Variants in RYR2 observed in about 807,000 individuals in gnomAD.
RYR2 encodes the protein cardiac muscle ryanodine receptor-calcium release channel.
RYR2 carries 227 observed loss-of-function variants against 601.1 expected under a neutral mutation model. The ratio of observed to expected loss-of-function variants is 0.38; its 90% CI spans 0.34 to 0.42. The LOEUF (loss-of-function observed/expected upper bound fraction) is 0.42, where lower values mean the gene tolerates loss of function less well. RYR2 is among the 10% of genes least tolerant of loss of function. RYR2 has a pLI of 1.00. For missense variants in RYR2, 4,646 were observed against 6,156.5 expected (o/e 0.75, Z 8.21); for synonymous variants, 2,223 against 2,175.1 (o/e 1.02, Z -0.61).
intron 1 of RYR2, among the ~76,000 whole-genome samples, chr1:237,080,887 C>T (rs1415753624): frequency 1.3e-5 from 1 of 74,172 alleles, no homozygotes; most frequent in Admixed American, 1.6e-4. Context: ...ACCCAAATGT[C>T]CAACAATGAT....
At chr1:237,350,602 A>AAATATAT (rs1558665984) in intron 3 of RYR2, among the ~76,000 whole-genome samples, 5 of 37,012 alleles carry the variant, frequency 1.4e-4, no homozygotes, top group Admixed American at 3.9e-4. Flanking sequence ...AAAAAAAAAA[A>AAATATAT]ATATATATAT....
At chr1:237,294,189 C>T (rs1692517300) in intron 2 of RYR2, among the ~76,000 whole-genome samples, 1 of 152,170 alleles carries the variant, frequency 6.6e-6, no homozygotes, top group South Asian at 2.1e-4. Flanking sequence ...ATTAGGAGCT[C>T]TCTCAGGAAC....
intron 79 of RYR2, among the ~76,000 whole-genome samples, chr1:237,738,522 T>C (rs992700416): frequency 1.3e-5 from 2 of 152,042 alleles, no homozygotes; most frequent in Non-Finnish European, 2.9e-5. Context: ...CATGTAGTTT[T>C]CATTTATTTA....
intron 71 of RYR2, among the ~76,000 whole-genome samples, chr1:237,713,242 A>G (rs1330242035): frequency 6.6e-6 from 1 of 152,168 alleles, no homozygotes; most frequent in African/African-American, 2.4e-5. Flanking sequence ...CATAGAACCT[A>G]GAGTGAGACA....
intron 3 of RYR2, among the ~76,000 whole-genome samples, chr1:237,334,597 A>G (rs951158066): frequency 6.6e-6 from 1 of 152,120 alleles, no homozygotes; most frequent in African/African-American, 2.4e-5. Flanking sequence ...AAGCTTTCAG[A>G]TCTTGAGGAT....
chr1:237,301,506 TCAAA>T (rs961378973), intron 2 of RYR2, among the ~76,000 whole-genome samples: 5 of 152,188 alleles, frequency 3.3e-5, no homozygotes, highest in Non-Finnish European at 7.3e-5. Context: ...TGATAAGAGT[TCAAA>T]CAGTCACGTA....
intron 1 of RYR2, among the ~76,000 whole-genome samples, chr1:237,171,109 C>G (rs1677318068): frequency 6.6e-6 from 1 of 151,890 alleles, no homozygotes; most frequent in South Asian, 2.1e-4. Context: ...TGGTGGGCAC[C>G]TGTAGTGCCA....
Position 237,364,377 on chromosome 1 carries a change from G to T in RYR2, c.309+5G>T, listed in dbSNP as rs794728695. ...CTACAGAAATTCATGATGAAGGTAA[G>T]ACATCTTAATATATATGCTATGTAT... On this transcript the variant is annotated splice_donor_5th_base_variant and intron_variant, in intron 5 of 104. Transcript: ENST00000366574. The T allele has an allele frequency of 6.5e-7, 1 of 1,535,038 alleles. No homozygotes were observed. The highest frequency in any genetic ancestry group is 8.9e-7 in the Non-Finnish European group (1 of 1,121,750).
In RYR2 at chr1:237,641,110, A is replaced by G. The variant is rs531225124; in HGVS notation, c.7221+108A>G. On this transcript the variant is annotated intron_variant, in intron 47 of 104. Coordinates refer to ENST00000366574, the MANE Select transcript of RYR2 (RefSeq NM_001035.3). The stretch of plus-strand genomic sequence containing the variant: ...CCAAAACCAATAATCTTCATGCTCC[A>G]TTAAAAATAATAGCTGCAGTCTAAT... The G allele has an allele frequency of 2.2e-4, 137 of 633,648 alleles. No individual in the cohort carries two copies. In the African/African-American group the frequency reaches 2.3e-3, roughly 10 times the overall value. 39.3% of individuals were successfully genotyped at this position (633,648 alleles called of 1,614,324 possible).
chr1:237,767,551 T>A (rs1693937466), intron 84 of RYR2, among the ~76,000 whole-genome samples: 1 of 152,196 alleles, frequency 6.6e-6, no homozygotes, highest in African/African-American at 2.4e-5. Context: ...CAAAATGGCA[T>A]TACATTTAGC....
chr1:237,659,366 C>T (rs1165188118), intron 54 of RYR2, among the ~76,000 whole-genome samples: 1 of 152,088 alleles, frequency 6.6e-6, no homozygotes, highest in Non-Finnish European at 1.5e-5. Context: ...GTTTTCCAGT[C>T]TAATTACTCA....
chr1:237,395,564 T>TTTTTTTTTTTTG lies in RYR2; in HGVS notation c.773+7381_773+7382insTTTTTTTTTTTG, dbSNP rs1400077755. ...TTTTTTTTTTTTTTTTTTTTTTTTT[T>TTTTTTTTTTTTG]GAGACAGAGTCTCGCTTTGTTCCCC... On this transcript the variant is annotated intron_variant, in intron 10 of 104. Transcript: ENST00000366574. 4.1e-4 allele frequency among the ~76,000 whole-genome samples: 32 copies of TTTTTTTTTTTTG among 77,634 alleles called. 2 individuals are homozygous for TTTTTTTTTTTTG. Among genetic ancestry groups the TTTTTTTTTTTTG allele is most frequent in the African/African-American group, 1.7e-3 (29 of 17,056 alleles). The allele number at this position is 77,634 out of a possible 152,430, so 50.9% of individuals were successfully genotyped here. A position where few individuals can be genotyped will look rare whatever the true frequency, so the allele number is the denominator to read the frequency against.
rs794728818 is a variant in RYR2, at chr1:237,491,824, A to G, written c.1727A>G (p.His576Arg). ...TCTTTAGGCATTCTGGAAGTTTTAC[A>G]CTGTGTTTTAGTAGAAAGTCCAGAA... ...EASSGILEVL[H>R]CVLVESPEAL... Residue 576 changes from histidine to arginine, a missense_variant, in exon 18 of 105, where the codon CAC (histidine) becomes CGC (arginine). By Grantham distance (29) the His-to-Arg change is conservative. This residue lies in a region of RYR2 where 1,807 missense variants were observed against 2,088.1 expected (regional missense o/e 0.87). Transcript: ENST00000366574. 1 of 1,454,872 alleles carries G rather than the reference A, an allele frequency of 6.9e-7. No individual in the cohort carries two copies. The highest frequency in any genetic ancestry group is 9.5e-7 in the Non-Finnish European group (1 of 1,056,718). 90.1% of individuals were successfully genotyped at this position (1,454,872 alleles called of 1,614,324 possible).
chr1:237,051,818 G>C (rs1558146317), intron 1 of RYR2, among the ~76,000 whole-genome samples: 1 of 152,152 alleles, frequency 6.6e-6, no homozygotes, highest in Non-Finnish European at 1.5e-5. Flanking sequence ...ACCTGGGCAG[G>C]CTGGCTCTAG....
rs892715142 is a variant in RYR2, at chr1:237,560,682, C to T, written c.3215-5885C>T. 5.3e-5 allele frequency among the ~76,000 whole-genome samples: 8 copies of T among 152,304 alleles called. No individual in the cohort carries two copies. In the East Asian group the frequency reaches 9.6e-4, roughly 18 times the overall value. ...GCCAGCCTTTAGTTAATTTCCAGAG[C>T]TATGAAAAATTTCATTTGCATAGTT... is the stretch of plus-strand genomic sequence containing the variant. On this transcript the variant is annotated intron_variant, in intron 27 of 104. Transcript: ENST00000366574.
At chr1:237,625,619 T>C (rs749001878) in intron 39 of RYR2, 42 bp from the exon 40 acceptor site, 2 of 1,594,362 alleles carry the variant, frequency 1.3e-6, no homozygotes, top group Non-Finnish European at 1.7e-6. Flanking sequence ...CCAAGTGTAT[T>C]CTTTAAATAT....
intron 2 of RYR2, among the ~76,000 whole-genome samples, chr1:237,288,496 C>T (rs1003493754): frequency 1.7e-4 from 25 of 151,010 alleles, no homozygotes; most frequent in African/African-American, 4.4e-4. Context: ...CAGCTGCTCT[C>T]GGGGGTGGGG....
intron 97 of RYR2, among the ~76,000 whole-genome samples, chr1:237,801,202 A>C (rs1410832952): frequency 6.6e-6 from 1 of 152,146 alleles, no homozygotes; most frequent in Non-Finnish European, 1.5e-5. Context: ...TGATGTGTAC[A>C]TATGTTGGCC....
At chr1:237,830,665 C>T (rs779301373) in intron 103 of RYR2, 35 bp downstream of exon 103, 1 of 1,047,356 alleles carries the variant, frequency 9.5e-7, no homozygotes, top group East Asian at 2.4e-5. Context: ...TCCACCTCTC[C>T]AGTAGACGCC....
Sources: gnomAD v4.1 joint callset for allele counts (sites outside exome capture counted in the v4.1 genomes callset) on GRCh38, gnomAD v4.1.1 for gene constraint, gnomAD v4.1.1 regional missense constraint, MANE v1.5 for transcripts, NCBI Gene and HGNC (gene_info 2026-07-23, HGNC 2026-07-21) for gene names.